The following NLGN1 variants were observed in gnomAD, a reference collection of about 807,000 sequenced individuals.
NLGN1 encodes neuroligin-1.
A neutral mutation model predicts 65.5 loss-of-function variants in NLGN1; 12 were observed. That is an observed-to-expected ratio of 0.18 (90% confidence interval 0.12 to 0.30). The LOEUF is 0.30. NLGN1 is among the 10% of genes least tolerant of loss of function. The pLI is 1.00. For missense variants in NLGN1, 750 were observed against 1,007.1 expected, an observed-to-expected ratio of 0.74 and a Z score of 3.46; for synonymous variants, 350 against 359.5, an observed-to-expected ratio of 0.97 and a Z score of 0.30.
At chr3:174,227,085 C>T (rs1240226562) in intron 4 of NLGN1, among the ~76,000 whole-genome samples, 1 of 152,036 alleles carries the variant, frequency 6.6e-6, no homozygotes, top group African/African-American at 2.4e-5. Flanking sequence ...GCAATGAGGA[C>T]CAATTGCATA....
chr3:173,646,493 G>T (rs1040647257), intron 3 of NLGN1, among the ~76,000 whole-genome samples: 1 of 152,192 alleles, frequency 6.6e-6, no homozygotes, highest in Admixed American at 6.5e-5. Context: ...TAGAAGAAAA[G>T]ATTTGAAGTG....
At chr3:173,686,107 T>C (rs2149802857) in intron 3 of NLGN1, among the ~76,000 whole-genome samples, 1 of 152,234 alleles carries the variant, frequency 6.6e-6, no homozygotes, top group South Asian at 2.1e-4. Context: ...AGGCAAGAAC[T>C]TGTTATTTTG....
intron 2 of NLGN1, among the ~76,000 whole-genome samples, chr3:173,599,010 G>C (rs79131155): frequency 0.027 from 4,180 of 152,220 alleles, 86 homozygotes; most frequent in Middle Eastern, 0.041. Flanking sequence ...CATTCTTTCT[G>C]CTGTGGGATC....
At chr3:174,107,750 C>T (rs1260457910) in intron 4 of NLGN1, among the ~76,000 whole-genome samples, 1 of 151,956 alleles carries the variant, frequency 6.6e-6, no homozygotes, top group Non-Finnish European at 1.5e-5. Context: ...TTTACATTTC[C>T]ACCAGCAATG....
At chr3:173,732,553 T>C (rs1218381092) in intron 3 of NLGN1, among the ~76,000 whole-genome samples, 1 of 152,140 alleles carries the variant, frequency 6.6e-6, no homozygotes, top group African/African-American at 2.4e-5. Flanking sequence ...GTTTCATTCA[T>C]GAGATAACCA....
chr3:173,399,007 T>C (rs1696691777), intron 1 of NLGN1, among the ~76,000 whole-genome samples: 1 of 151,948 alleles, frequency 6.6e-6, no homozygotes, highest in Admixed American at 6.5e-5. Flanking sequence ...CTATCAGCCA[T>C]TGTAACCTAG....
At chr3:173,529,460 C>T (rs1051617333) in intron 2 of NLGN1, among the ~76,000 whole-genome samples, 1 of 152,146 alleles carries the variant, frequency 6.6e-6, no homozygotes, top group African/African-American at 2.4e-5. Context: ...AAGCACCAGA[C>T]TTAAGGGGGT....
intron 2 of NLGN1, among the ~76,000 whole-genome samples, chr3:173,449,115 T>G (rs900408017): frequency 6.6e-6 from 1 of 152,186 alleles, no homozygotes; most frequent in African/African-American, 2.4e-5. Context: ...CTTTTGAATG[T>G]GTTTGCTCTT....
chr3:173,928,340 G>C (rs1010959425), intron 4 of NLGN1, among the ~76,000 whole-genome samples: 4 of 152,132 alleles, frequency 2.6e-5, no homozygotes, highest in African/African-American at 9.7e-5. Flanking sequence ...AGCCTCAACT[G>C]TGTGGTACAT....
At position 173,445,035 on chromosome 3, in the gene NLGN1, G is replaced by T. The variant is rs150840211; in HGVS notation, c.-321+9957G>T. Among the ~76,000 whole-genome samples, 280 of 151,668 alleles carry T rather than the reference G, an allele frequency of 1.8e-3. 1 individual carries two copies. Among genetic ancestry groups the T allele is most frequent in the African/African-American group, 6.6e-3 (275 of 41,400 alleles). On this transcript the variant is annotated intron_variant, in intron 2 of 6. Transcript: ENST00000457714. ...TGTAATCCCAGCACTTTGGGAGGCCGAGGCGGGCGGATCACGAGGTCAGGA... is the reference window on the plus strand; with the variant it reads ...TGTAATCCCAGCACTTTGGGAGGCCTAGGCGGGCGGATCACGAGGTCAGGA...
chr3:173,845,198 A>G (rs1725490196), intron 4 of NLGN1, among the ~76,000 whole-genome samples: 1 of 152,230 alleles, frequency 6.6e-6, no homozygotes. Context: ...AAAGCTAATT[A>G]TAGTGGAACA....
intron 3 of NLGN1, among the ~76,000 whole-genome samples, chr3:173,679,585 A>G (rs1763666010): frequency 6.6e-6 from 1 of 152,122 alleles, no homozygotes; most frequent in African/African-American, 2.4e-5. Flanking sequence ...ATACGCCAAG[A>G]GCTAATTTTC....
chr3:174,102,399 T>TTA (rs778885734), intron 4 of NLGN1, among the ~76,000 whole-genome samples: 2 of 152,196 alleles, frequency 1.3e-5, no homozygotes, highest in Non-Finnish European at 2.9e-5. Flanking sequence ...TTCTAACTGT[T>TTA]TATAGTGTCA....
At chr3:173,573,802 G>A (rs901427578) in intron 2 of NLGN1, among the ~76,000 whole-genome samples, 1 of 151,314 alleles carries the variant, frequency 6.6e-6, no homozygotes, top group African/African-American at 2.4e-5. Context: ...GGTGGCTCAC[G>A]CCTGTAATCC....
intron 4 of NLGN1, among the ~76,000 whole-genome samples, chr3:173,971,828 T>C (rs1331953363): frequency 6.6e-6 from 1 of 152,006 alleles, no homozygotes; most frequent in African/African-American, 2.4e-5. Context: ...AGGATTACCT[T>C]TGAACCAGAT....
At chr3:174,234,006 C>T (rs1304894592) in intron 4 of NLGN1, among the ~76,000 whole-genome samples, 1 of 151,886 alleles carries the variant, frequency 6.6e-6, no homozygotes, top group Non-Finnish European at 1.5e-5. Context: ...CTTTAGTTTT[C>T]TATAGCTCTT....
intron 3 of NLGN1, among the ~76,000 whole-genome samples, chr3:173,652,364 T>G (rs1206993341): frequency 1.3e-5 from 2 of 152,222 alleles, no homozygotes; most frequent in Non-Finnish European, 2.9e-5. Flanking sequence ...AGAAGAATTT[T>G]CCTTAGGTTT....
At chr3:174,126,420 A>C (rs1460533795) in intron 4 of NLGN1, among the ~76,000 whole-genome samples, 1 of 152,166 alleles carries the variant, frequency 6.6e-6, no homozygotes, top group Non-Finnish European at 1.5e-5. Context: ...GAGGAGTGAC[A>C]GGTACAGATG....
intron 2 of NLGN1, among the ~76,000 whole-genome samples, chr3:173,495,895 T>A (rs1316801899): frequency 1.3e-5 from 2 of 151,840 alleles, no homozygotes; most frequent in Middle Eastern, 3.2e-3. Context: ...TTCTTATGAT[T>A]TGAATCATAG....
Sources: allele counts gnomAD v4.1 joint callset (sites outside exome capture counted in the v4.1 genomes callset), GRCh38; gene constraint gnomAD v4.1.1; transcripts MANE v1.5; gene names NCBI Gene and HGNC (gene_info 2026-07-23, HGNC 2026-07-21).